MLXIP: variants seen among roughly 807,000 people sequenced by gnomAD.
The protein encoded by MLXIP is MLX-interacting protein.
Under a neutral mutation model 87.2 loss-of-function variants are expected in MLXIP, and 30 were observed. That is an observed-to-expected ratio of 0.34 (90% CI 0.26 to 0.47). The LOEUF (loss-of-function observed/expected upper bound fraction) is 0.47. MLXIP is among the 20% of genes least tolerant of loss of function. The pLI is 1.00. For synonymous variants in MLXIP, 530 were observed against 514.0 expected (o/e 1.03, Z -0.42); for missense variants, 1,002 against 1,240.1 (o/e 0.81, Z 2.88).
intron 1 of MLXIP, among the ~76,000 whole-genome samples, chr12:122,084,144 T>TA (rs893642312): frequency 1.4e-5 from 2 of 138,164 alleles, no homozygotes; most frequent in African/African-American, 2.7e-5. Flanking sequence ...CTCAGCCAGA[T>TA]TGTGTGTGTG....
chr12:122,125,731 G>T (rs1427460369), intron 1 of MLXIP, among the ~76,000 whole-genome samples: 1 of 152,256 alleles, frequency 6.6e-6, no homozygotes, highest in African/African-American at 2.4e-5. Context: ...GTTGTGCAGA[G>T]GCTGCTGCTG....
intron 1 of MLXIP, 61 bp from the exon 2 acceptor site, chr12:122,127,195 T>C (rs765927894): frequency 4.7e-5 from 63 of 1,347,848 alleles, no homozygotes; most frequent in Non-Finnish European, 6.3e-5. Context: ...GGTGGCACTT[T>C]GTAATTTCAC....
chr12:122,090,218 G>A (rs777792850), intron 1 of MLXIP, among the ~76,000 whole-genome samples: 1 of 152,134 alleles, frequency 6.6e-6, no homozygotes. Flanking sequence ...TTACCCAGCC[G>A]GGTGTGGTGA....
At chr12:122,134,930 T>A (rs890940878) in intron 9 of MLXIP, 13 of 374,456 alleles carry the variant, frequency 3.5e-5, no homozygotes, top group Middle Eastern at 6.4e-4. Context: ...TGCCTCGGCC[T>A]CCCAAGGTGC....
At chr12:122,102,838 T>C (rs1213741364) in intron 1 of MLXIP, among the ~76,000 whole-genome samples, 2 of 152,200 alleles carry the variant, frequency 1.3e-5, no homozygotes, top group East Asian at 3.9e-4. Flanking sequence ...ATTCCACTTA[T>C]GTGAAATATG....
At chr12:122,140,134 C>G (rs939958425) in intron 15 of MLXIP, among the ~76,000 whole-genome samples, 6 of 152,226 alleles carry the variant, frequency 3.9e-5, no homozygotes, top group Non-Finnish European at 8.8e-5. Context: ...TACTCCCCAT[C>G]ATCAGGCCGA....
At chr12:122,093,393 G>T (rs1327126183) in intron 1 of MLXIP, among the ~76,000 whole-genome samples, 1 of 140,358 alleles carries the variant, frequency 7.1e-6, no homozygotes, top group Non-Finnish European at 1.6e-5. Context: ...TGTGTGGGTG[G>T]TTATGTGTGT....
In MLXIP at chr12:122,133,697, C is replaced by T. The variant is rs35737737; in HGVS notation, c.1442C>T (p.Pro481Leu). 3,667 of 1,613,666 alleles carry T rather than the reference C, an allele frequency of 2.3e-3. 77 individuals carry two copies. In the African/African-American group the frequency reaches 0.043, roughly 19 times the overall value. The change falls in exon 9 of 17, where the codon CCG becomes CTG. Residue 481 changes from proline to leucine, a missense_variant. By Grantham distance (98) the Pro-to-Leu change is moderately conservative. This residue lies in a region of MLXIP where 746 missense variants were observed against 897.0 expected (regional missense o/e 0.83). Transcript: ENST00000319080. The surrounding 1 kb of genome is among the most constrained non-coding windows in gnomAD (Gnocchi z 4.9). ...PQKFAGVNKA[P>L]SVITHTASAT... ...AAGTTTGCTGGAGTCAACAAAGCGC[C>T]GTCTGTCATCACCCACACGGCCTCT...
chr12:122,136,112 G>C (rs1477341016), intron 11 of MLXIP: 1 of 164,358 alleles, frequency 6.1e-6, no homozygotes. Context: ...TGTGGCCCAT[G>C]TCCACTCTTA....
intron 1 of MLXIP, among the ~76,000 whole-genome samples, chr12:122,123,891 C>G (rs550554654): frequency 1.3e-5 from 2 of 152,114 alleles, no homozygotes; most frequent in African/African-American, 4.8e-5. Context: ...TTCACTGCCT[C>G]GATCAGGCTG....
At chr12:122,106,843 A>C (rs1952528623) in intron 1 of MLXIP, among the ~76,000 whole-genome samples, 1 of 151,926 alleles carries the variant, frequency 6.6e-6, no homozygotes, top group Non-Finnish European at 1.5e-5. Context: ...CTCAGGTGAT[A>C]CACCCACCTT....
chr12:122,118,388 G>T (rs1952725111), intron 1 of MLXIP, among the ~76,000 whole-genome samples: 1 of 152,270 alleles, frequency 6.6e-6, no homozygotes, highest in African/African-American at 2.4e-5. Flanking sequence ...AATACAAAAC[G>T]GTGTTCAGTG....
chr12:122,091,448 A>ACT (rs1952243588), intron 1 of MLXIP, among the ~76,000 whole-genome samples: 1 of 152,214 alleles, frequency 6.6e-6, no homozygotes, highest in Admixed American at 6.5e-5. Context: ...CTGTAGTCCC[A>ACT]GCACTTTGGG....
intron 1 of MLXIP, among the ~76,000 whole-genome samples, chr12:122,092,922 G>GTGTTGGTGTGTGGGATGTA (rs1952268344): frequency 6.6e-6 from 1 of 151,930 alleles, no homozygotes; most frequent in Non-Finnish European, 1.5e-5. Flanking sequence ...TGTGTGATGT[G>GTGTTGGTGTGTGGGATGTA]TGTGGGGTGT....
At chr12:122,107,945 G>A (rs927676257) in intron 1 of MLXIP, among the ~76,000 whole-genome samples, 4 of 152,142 alleles carry the variant, frequency 2.6e-5, no homozygotes, top group Non-Finnish European at 4.4e-5. Context: ...TCCCCTGGCC[G>A]GCGGTGACTA....
chr12:122,088,817 A>C (rs1288653871), intron 1 of MLXIP, among the ~76,000 whole-genome samples: 1 of 152,134 alleles, frequency 6.6e-6, no homozygotes, highest in East Asian at 1.9e-4. Context: ...CTTCTTATGT[A>C]GAAAGCAGGG....
At chr12:122,111,244 T>G (rs1408042443) in intron 1 of MLXIP, among the ~76,000 whole-genome samples, 4 of 152,176 alleles carry the variant, frequency 2.6e-5, no homozygotes, top group Non-Finnish European at 5.9e-5. Context: ...AAATTTGTTT[T>G]TTGTCAGTCT....
At chr12:122,101,544 T>C (rs1301179693) in intron 1 of MLXIP, among the ~76,000 whole-genome samples, 1 of 147,422 alleles carries the variant, frequency 6.8e-6, no homozygotes, top group African/African-American at 2.5e-5. Context: ...CTTCAAGAAG[T>C]TATTTATTTA....
intron 1 of MLXIP, among the ~76,000 whole-genome samples, chr12:122,087,517 C>T (rs887732117): frequency 2.0e-5 from 3 of 152,046 alleles, no homozygotes; most frequent in African/African-American, 4.8e-5. Context: ...GTTCCAGGTG[C>T]GGGAAGAGGC....
Sources: gnomAD v4.1 joint callset for allele counts (sites outside exome capture counted in the v4.1 genomes callset) on GRCh38, gnomAD v4.1.1 for gene constraint, gnomAD v4.1.1 regional missense constraint, Gnocchi (gnomAD v3.1) non-coding constraint, MANE v1.5 for transcripts, NCBI Gene and HGNC (gene_info 2026-07-23, HGNC 2026-07-21) for gene names.